NFIA: variants seen among roughly 807,000 people sequenced by gnomAD.
The protein encoded by NFIA is nuclear factor I A.
NFIA carries 8 observed loss-of-function variants against 62.8 expected under a neutral mutation model. The ratio of observed to expected loss-of-function variants is 0.13; its 90% CI spans 0.07 to 0.23. The LOEUF (loss-of-function observed/expected upper bound fraction) is 0.23. NFIA is among the 10% of genes least tolerant of loss of function. The pLI is 1.00. For synonymous variants in NFIA, 235 were observed against 238.1 expected, an observed-to-expected ratio of 0.99 and a Z score of 0.12; for missense variants, 410 against 642.1, an observed-to-expected ratio of 0.64 and a Z score of 3.91.
chr1:61,341,598 C>T (rs1661917772), intron 4 of NFIA, among the ~76,000 whole-genome samples: 1 of 152,150 alleles, frequency 6.6e-6, no homozygotes, highest in African/African-American at 2.4e-5. Context: ...CCACCTCAGC[C>T]TTCCCAGTAG....
intron 6 of NFIA, among the ~76,000 whole-genome samples, chr1:61,377,254 G>T (rs1376910906): frequency 6.6e-5 from 10 of 151,698 alleles, no homozygotes; most frequent in Admixed American, 6.6e-4. Context: ...GAAAATGTAA[G>T]GATTTGAGAT....
At chr1:61,225,254 G>A (rs1016965821) in intron 2 of NFIA, among the ~76,000 whole-genome samples, 3 of 150,862 alleles carry the variant, frequency 2.0e-5, no homozygotes, top group Admixed American at 2.0e-4. Flanking sequence ...TATGTCCATA[G>A]TACTTTTTTT....
chr1:61,376,904 A>G (rs1381759995), intron 6 of NFIA, among the ~76,000 whole-genome samples: 2 of 152,078 alleles, frequency 1.3e-5, no homozygotes, highest in Non-Finnish European at 2.9e-5. Context: ...AATAATACCT[A>G]CCTATCTCAG....
intron 3 of NFIA, among the ~76,000 whole-genome samples, chr1:61,332,211 G>T (rs1348634541): frequency 1.3e-5 from 2 of 152,124 alleles, no homozygotes; most frequent in Non-Finnish European, 2.9e-5. Flanking sequence ...GGTCTTAGAG[G>T]TCACCCAAGG....
chr1:61,423,980 T>C (rs949663947), intron 9 of NFIA, among the ~76,000 whole-genome samples: 2 of 151,400 alleles, frequency 1.3e-5, no homozygotes, highest in African/African-American at 2.4e-5. Context: ...GTAGCTGTTA[T>C]ATATGAATAT....
chr1:61,112,905 T>A (rs562396864), intron 2 of NFIA, among the ~76,000 whole-genome samples: 1 of 152,148 alleles, frequency 6.6e-6, no homozygotes, highest in African/African-American at 2.4e-5. Context: ...GAATTTAGGA[T>A]TTTTTATTGT....
Position 61,379,402 on chromosome 1 carries a change from C to CTA in NFIA, c.947-3834_947-3833insAT, listed in dbSNP as rs1410203326. Reference sequence around the variant, plus strand: ...CACACTCAGCTAACTTTTTCTTTTTCTTTTTTTTTTTTTTTTTTTTTTTTG... The same window carrying CTA: ...CACACTCAGCTAACTTTTTCTTTTTCTATTTTTTTTTTTTTTTTTTTTTTTTG... On this transcript the variant is annotated intron_variant, in intron 6 of 10. Coordinates refer to ENST00000403491, the MANE Select transcript of NFIA (RefSeq NM_001134673.4). Among the ~76,000 whole-genome samples, 168 of 98,236 alleles carry CTA rather than the reference C, an allele frequency of 1.7e-3. 1 individual carries two copies. The highest frequency in any genetic ancestry group is 2.0e-3 in the Admixed American group (16 of 8,188). 64.4% of individuals were successfully genotyped at this position (98,236 alleles called of 152,430 possible).
chr1:61,279,697 T>C (rs114113531), intron 3 of NFIA, among the ~76,000 whole-genome samples: 2,657 of 152,278 alleles, frequency 0.017, 61 homozygotes, highest in Non-Finnish European at 0.021. Flanking sequence ...AGCAGGCCTG[T>C]GATTCATCTG....
chr1:61,352,043 C>T (rs950453734), intron 4 of NFIA, among the ~76,000 whole-genome samples: 2 of 152,122 alleles, frequency 1.3e-5, no homozygotes, highest in African/African-American at 4.8e-5. Flanking sequence ...TTTGTTCTCA[C>T]CAAAGTTCAA....
chr1:61,363,865 G>A (rs1025946579), intron 6 of NFIA, among the ~76,000 whole-genome samples: 19 of 151,958 alleles, frequency 1.3e-4, no homozygotes, highest in Admixed American at 1.1e-3. Flanking sequence ...CAGGCCCTCA[G>A]TGATCTAAAA....
chr1:61,406,781 A>T, intron 9 of NFIA, 54 bp downstream of exon 9: 1 of 1,494,710 alleles, frequency 6.7e-7, no homozygotes, highest in Middle Eastern at 1.7e-4. Flanking sequence ...ATGCACTGGA[A>T]TCCACACTTA....
Position 61,406,441 on chromosome 1 carries a change from A to T in NFIA, c.1255-121A>T, listed in dbSNP as rs1438496810. The T allele has an allele frequency of 4.9e-6, 4 of 817,654 alleles. No individual in the cohort carries two copies. In the Admixed American group the frequency reaches 7.7e-5, roughly 16 times the overall value. 50.6% of individuals were successfully genotyped at this position (817,654 alleles called of 1,614,324 possible). On this transcript the variant is annotated intron_variant, in intron 8 of 10. Coordinates refer to ENST00000403491, the MANE Select transcript of NFIA (RefSeq NM_001134673.4). The stretch of plus-strand genomic sequence containing the variant: ...CTTATGGAAGAATTGAAGCAGCTAG[A>T]TACTTAGTAATTTACATTAAAGGTG...
chr1:61,391,196 G>A (rs1664958402), intron 7 of NFIA, among the ~76,000 whole-genome samples: 1 of 152,042 alleles, frequency 6.6e-6, no homozygotes, highest in African/African-American at 2.4e-5. Flanking sequence ...AAGTGGCTGG[G>A]ACTACAGGCG....
At chr1:61,267,565 A>G (rs1657251640) in intron 2 of NFIA, among the ~76,000 whole-genome samples, 1 of 152,184 alleles carries the variant, frequency 6.6e-6, no homozygotes. Flanking sequence ...GTTATGCAGT[A>G]ATAGCTTAAT....
chr1:61,205,796 G>A (rs12118221), intron 2 of NFIA, among the ~76,000 whole-genome samples: 68,402 of 151,514 alleles, frequency 0.45, 15,949 homozygotes, highest in Non-Finnish European at 0.5. Context: ...AGTCCAGTCA[G>A]TGTTTCAGCA....
At chr1:61,398,222 A>G (rs541966660) in intron 7 of NFIA, among the ~76,000 whole-genome samples, 2 of 152,370 alleles carry the variant, frequency 1.3e-5, no homozygotes, top group East Asian at 3.9e-4. Flanking sequence ...AACAGAGACC[A>G]TATAGCCTGC....
chr1:61,175,296 C>T lies in NFIA; in HGVS notation c.559+86616C>T, dbSNP rs562310410. 1.9e-4 allele frequency among the ~76,000 whole-genome samples: 29 copies of T among 152,148 alleles called. 2 individuals carry two copies. The South Asian group carries it at 4.2e-3, about 22-fold the overall frequency. On this transcript the variant is annotated intron_variant, in intron 2 of 10. Coordinates refer to ENST00000403491, the MANE Select transcript of NFIA (RefSeq NM_001134673.4). ...AGCTGGGACTACAAGCTCGCACCAC[C>T]ACACCCATCTAATTTTTGTATTTTT... is the stretch of plus-strand genomic sequence containing the variant.
intron 3 of NFIA, among the ~76,000 whole-genome samples, chr1:61,288,442 CT>C (rs1658649662): frequency 6.6e-6 from 1 of 152,104 alleles, no homozygotes; most frequent in Non-Finnish European, 1.5e-5. Flanking sequence ...TTGAATCCTC[CT>C]GCTTTAAAAA....
intron 2 of NFIA, among the ~76,000 whole-genome samples, chr1:61,152,290 T>C (rs1178178552): frequency 1.3e-5 from 2 of 152,152 alleles, no homozygotes; most frequent in East Asian, 3.9e-4. Context: ...TTATACAAAC[T>C]GGAGGAGTCA....
Sources: gnomAD v4.1 joint callset for allele counts (sites outside exome capture counted in the v4.1 genomes callset) on GRCh38, gnomAD v4.1.1 for gene constraint, MANE v1.5 for transcripts, NCBI Gene and HGNC (gene_info 2026-07-23, HGNC 2026-07-21) for gene names.